The following PPP1R14C variants were observed in gnomAD, a reference collection of about 807,000 sequenced individuals.
The protein encoded by PPP1R14C is protein phosphatase 1 regulatory subunit 14C.
In PPP1R14C, 16 loss-of-function variants were observed where a neutral mutation model predicts 20.4. The ratio of observed to expected loss-of-function variants is 0.78; its 90% CI spans 0.53 to 1.19. PPP1R14C has a LOEUF of 1.19. Ranked by LOEUF, PPP1R14C falls within the 50% of genes most tolerant of loss-of-function variation. The pLI is 0.00. For synonymous variants in PPP1R14C, 91 were observed against 91.0 expected, an observed-to-expected ratio of 1.00 and a Z score of 0.00; for missense variants, 211 against 220.1, an observed-to-expected ratio of 0.96 and a Z score of 0.26.
At chr6:150,174,110 G>A (rs985329005) in intron 1 of PPP1R14C, among the ~76,000 whole-genome samples, 2 of 144,420 alleles carry the variant, frequency 1.4e-5, no homozygotes, top group Middle Eastern at 3.7e-3. Flanking sequence ...AGGTGCATAC[G>A]TTGTGAAATG....
At chr6:150,168,654 G>A (rs544887673) in intron 1 of PPP1R14C, among the ~76,000 whole-genome samples, 83 of 152,194 alleles carry the variant, frequency 5.5e-4, no homozygotes, top group Non-Finnish European at 7.2e-4. Flanking sequence ...CCCTGGGGAG[G>A]AGCAGGGACA....
chr6:150,168,128 T>C (rs867550151), intron 1 of PPP1R14C, among the ~76,000 whole-genome samples: 3 of 111,770 alleles, frequency 2.7e-5, no homozygotes, highest in South Asian at 4.0e-4. Flanking sequence ...CCACTCCTTC[T>C]CCCTAACACA....
intron 1 of PPP1R14C, among the ~76,000 whole-genome samples, chr6:150,189,529 T>G (rs1402343103): frequency 6.9e-6 from 1 of 144,422 alleles, no homozygotes; most frequent in Non-Finnish European, 1.5e-5. Context: ...TATCCTTGAT[T>G]GCATTTGGAA....
chr6:150,167,668 A>G (rs1049769305), intron 1 of PPP1R14C, among the ~76,000 whole-genome samples: 1 of 152,116 alleles, frequency 6.6e-6, no homozygotes, highest in Non-Finnish European at 1.5e-5. Flanking sequence ...AAAGCTCGGA[A>G]GACCAGAGCT....
chr6:150,213,843 G>C (rs552941905), intron 1 of PPP1R14C, among the ~76,000 whole-genome samples: 41 of 152,302 alleles, frequency 2.7e-4, no homozygotes, highest in South Asian at 1.9e-3. Flanking sequence ...TATTAAACTA[G>C]ACCCACATTG....
intron 3 of PPP1R14C, among the ~76,000 whole-genome samples, chr6:150,220,582 T>C (rs975001321): frequency 5.3e-5 from 8 of 152,190 alleles, no homozygotes; most frequent in Admixed American, 2.6e-4. Flanking sequence ...GGAGGCCCCA[T>C]TGGTCGCTGC....
intron 3 of PPP1R14C, among the ~76,000 whole-genome samples, chr6:150,232,211 T>G (rs1043985002): frequency 6.6e-6 from 1 of 152,224 alleles, no homozygotes; most frequent in African/African-American, 2.4e-5. Context: ...TATTGGGTGT[T>G]CATGTTTCCT....
At position 150,214,096 on chromosome 6, in the gene PPP1R14C, G is replaced by A. The variant is rs370965159; in HGVS notation, c.307-648G>A. Reference sequence around the variant, plus strand: ...AAGGGGACGTTCTTGTAAAAACAGCGCCTTTTCCCAGAGCCCCCTTAGTTC... The same window carrying A: ...AAGGGGACGTTCTTGTAAAAACAGCACCTTTTCCCAGAGCCCCCTTAGTTC... On this transcript the variant is annotated intron_variant, in intron 1 of 3. Transcript: ENST00000361131. 1.1e-4 allele frequency among the ~76,000 whole-genome samples: 16 copies of A among 152,292 alleles called. No homozygotes were observed. In the South Asian group the frequency reaches 2.9e-3, roughly 28 times the overall value.
chr6:150,152,320 CTG>C (rs1777258359), intron 1 of PPP1R14C, among the ~76,000 whole-genome samples: 1 of 152,164 alleles, frequency 6.6e-6, no homozygotes, highest in Non-Finnish European at 1.5e-5. Flanking sequence ...GCCTCCCGCT[CTG>C]TCCCTGCTCC....
chr6:150,150,279 A>G (rs1363054144), intron 1 of PPP1R14C, among the ~76,000 whole-genome samples: 2 of 152,202 alleles, frequency 1.3e-5, no homozygotes, highest in Non-Finnish European at 2.9e-5. Flanking sequence ...ACTTGCTCCA[A>G]ACAGGAACTG....
At chr6:150,217,352 CG>C (rs1274370861) in intron 3 of PPP1R14C, among the ~76,000 whole-genome samples, 2 of 152,154 alleles carry the variant, frequency 1.3e-5, no homozygotes, top group East Asian at 3.9e-4. Context: ...TGCGTCACCA[CG>C]CCCGGCTAAT....
intron 1 of PPP1R14C, among the ~76,000 whole-genome samples, chr6:150,159,619 T>C (rs1284946595): frequency 9.1e-4 from 4 of 4,390 alleles, no homozygotes; most frequent in Non-Finnish European, 1.4e-3. Flanking sequence ...CAGGCATTCT[T>C]TTTTTTTTTT....
intron 1 of PPP1R14C, among the ~76,000 whole-genome samples, chr6:150,157,049 C>T (rs959202501): frequency 5.3e-5 from 8 of 152,190 alleles, no homozygotes; most frequent in Admixed American, 3.3e-4. Flanking sequence ...AAAGAGGTGA[C>T]GGGCTGCATT....
chr6:150,143,723 T>G lies in PPP1R14C; in HGVS notation c.306+225T>G, dbSNP rs1777150564. On this transcript the variant is annotated intron_variant, in intron 1 of 3. Coordinates refer to ENST00000361131, the MANE Select transcript of PPP1R14C (RefSeq NM_030949.3). This position sits in a 1 kb window ranked among gnomAD's most constrained non-coding sequence, Gnocchi z 5.6. ...GTTCGGCTGCCGGTGCCCGGGGATC[T>G]GCGGGCCCCCTTGGTGGCCGTGGGG... Among the ~76,000 whole-genome samples the G allele has an allele frequency of 6.6e-6, 1 of 152,150 alleles. No homozygotes were observed. The highest frequency in any genetic ancestry group is 2.4e-5 in the African/African-American group (1 of 41,452).
At chr6:150,168,525 T>A (rs1249327279) in intron 1 of PPP1R14C, among the ~76,000 whole-genome samples, 1 of 92,734 alleles carries the variant, frequency 1.1e-5, no homozygotes, top group African/African-American at 3.9e-5. Flanking sequence ...AGAGCGAGAC[T>A]CCCGTCTCAA....
intron 3 of PPP1R14C, among the ~76,000 whole-genome samples, chr6:150,218,475 C>CA (rs1491357681): frequency 0.014 from 791 of 55,918 alleles, 8 homozygotes; most frequent in Non-Finnish European, 0.019. Context: ...TACATCTGAA[C>CA]CCCCCCCCCC....
intron 1 of PPP1R14C, among the ~76,000 whole-genome samples, chr6:150,167,047 A>G (rs538721463): frequency 1.2e-4 from 18 of 151,376 alleles, no homozygotes; most frequent in Admixed American, 2.6e-4. Context: ...CCTGGCCAAC[A>G]TGGTGAAACC....
chr6:150,244,313 C>T (rs1778467867), intron 3 of PPP1R14C, among the ~76,000 whole-genome samples: 1 of 152,220 alleles, frequency 6.6e-6, no homozygotes, highest in African/African-American at 2.4e-5. Flanking sequence ...TCTCATTGCA[C>T]TTGACTTAGG....
At position 150,182,662 on chromosome 6, in the gene PPP1R14C, T is replaced by C. The variant is rs151052740; in HGVS notation, c.307-32082T>C. Among the ~76,000 whole-genome samples the C allele has an allele frequency of 1.2e-3, 182 of 152,318 alleles. 1 individual carries two copies. Among genetic ancestry groups the C allele is most frequent in the African/African-American group, 4.1e-3 (169 of 41,568 alleles). Reference sequence around the variant, plus strand: ...GGATAATAAAGACATGGACCTACCTTATAACGTTATTGTGAAGATTAAATG... The same window carrying C: ...GGATAATAAAGACATGGACCTACCTCATAACGTTATTGTGAAGATTAAATG... On this transcript the variant is annotated intron_variant, in intron 1 of 3. Coordinates refer to ENST00000361131, the MANE Select transcript of PPP1R14C (RefSeq NM_030949.3).
Sources: gnomAD v4.1 joint callset for allele counts (sites outside exome capture counted in the v4.1 genomes callset) on GRCh38, gnomAD v4.1.1 for gene constraint, Gnocchi (gnomAD v3.1) non-coding constraint, MANE v1.5 for transcripts, NCBI Gene and HGNC (gene_info 2026-07-23, HGNC 2026-07-21) for gene names.